Variants in ENTREP2 observed in about 807,000 individuals in gnomAD.
ENTREP2 encodes endosomal transmembrane epsin interactor 2.
At chr15:29,254,258 T>A in the ENTREP2 span, among the ~76,000 whole-genome samples, 1 of 151,856 alleles carries the variant, frequency 6.6e-6, no homozygotes, top group Non-Finnish European at 1.5e-5. Flanking sequence ...TTATGCTATT[T>A]CAAAACTCTG....
the ENTREP2 span, among the ~76,000 whole-genome samples, chr15:29,531,029 C>T: frequency 1.3e-5 from 2 of 152,214 alleles, no homozygotes; most frequent in Non-Finnish European, 2.9e-5. Context: ...AGGGAGGCAC[C>T]TGCCTGCATT....
At chr15:29,138,023 A>G in the ENTREP2 span, among the ~76,000 whole-genome samples, 1 of 151,996 alleles carries the variant, frequency 6.6e-6, no homozygotes, top group Non-Finnish European at 1.5e-5. Context: ...AGGCTCTGAG[A>G]AGGGCTGTGC....
At chr15:29,572,898 A>T in the ENTREP2 span, among the ~76,000 whole-genome samples, 1 of 151,702 alleles carries the variant, frequency 6.6e-6, no homozygotes, top group Non-Finnish European at 1.5e-5. Flanking sequence ...TGACCACAAT[A>T]CCAAAAATGG....
the ENTREP2 span, among the ~76,000 whole-genome samples, chr15:29,326,814 A>C: frequency 6.6e-6 from 1 of 152,212 alleles, no homozygotes; most frequent in Non-Finnish European, 1.5e-5. Context: ...TTAAAGATTT[A>C]CAATAAAAAT....
At chr15:29,518,514 T>TGG in the ENTREP2 span, among the ~76,000 whole-genome samples, 1 of 152,126 alleles carries the variant, frequency 6.6e-6, no homozygotes, top group African/African-American at 2.4e-5. Context: ...GCCATGGACA[T>TGG]GAGGAGGGAG....
chr15:29,282,490 A>C, the ENTREP2 span, among the ~76,000 whole-genome samples: 5 of 152,316 alleles, frequency 3.3e-5, no homozygotes, highest in East Asian at 7.7e-4. Flanking sequence ...GTCCTCAGTG[A>C]GTGGTCCATT....
At chr15:29,569,349 A>G in the ENTREP2 span, among the ~76,000 whole-genome samples, 3 of 152,374 alleles carry the variant, frequency 2.0e-5, no homozygotes, top group East Asian at 5.8e-4. Context: ...TTATGGTAAA[A>G]GCCATGCAAT....
the ENTREP2 span, among the ~76,000 whole-genome samples, chr15:29,355,686 T>C: frequency 7.2e-5 from 11 of 152,198 alleles, no homozygotes; most frequent in African/African-American, 2.7e-4. Flanking sequence ...TCAAGAATTC[T>C]GAATCTAACC....
At chr15:29,378,381 T>G in the ENTREP2 span, among the ~76,000 whole-genome samples, 1 of 152,204 alleles carries the variant, frequency 6.6e-6, no homozygotes, top group Non-Finnish European at 1.5e-5. Context: ...CGGTGATGGT[T>G]CCTGATGGTT....
chr15:29,211,349 C>A, the ENTREP2 span, among the ~76,000 whole-genome samples: 3 of 152,210 alleles, frequency 2.0e-5, no homozygotes, highest in Non-Finnish European at 4.4e-5. Flanking sequence ...GCCCTGCAGC[C>A]CTGAGGCTGC....
chr15:29,195,639 C>T, the ENTREP2 span, among the ~76,000 whole-genome samples: 1 of 152,298 alleles, frequency 6.6e-6, no homozygotes, highest in African/African-American at 2.4e-5. Context: ...ATTCTCCTGC[C>T]TCAGCCTCCC....
the ENTREP2 span, among the ~76,000 whole-genome samples, chr15:29,652,739 G>A: frequency 6.6e-6 from 1 of 152,216 alleles, no homozygotes; most frequent in Non-Finnish European, 1.5e-5. Context: ...AACTGCTCCT[G>A]CTACTTCAGG....
the ENTREP2 span, among the ~76,000 whole-genome samples, chr15:29,413,488 G>C: frequency 6.6e-6 from 1 of 152,080 alleles, no homozygotes; most frequent in Non-Finnish European, 1.5e-5. Context: ...TCTCTAACAA[G>C]GCTTTTTGAC....
the ENTREP2 span, among the ~76,000 whole-genome samples, chr15:29,444,253 AAAGAG>A: frequency 6.6e-6 from 1 of 151,792 alleles, no homozygotes; most frequent in Non-Finnish European, 1.5e-5. Context: ...AAAGAAAGAG[AAAGAG>A]AAAAGAAGGG....
At chr15:29,448,014 G>A in the ENTREP2 span, among the ~76,000 whole-genome samples, 14 of 152,152 alleles carry the variant, frequency 9.2e-5, no homozygotes, top group East Asian at 5.8e-4. Flanking sequence ...TGCAGTGAGC[G>A]GGATTGAGTG....
At chr15:29,523,285 G>A in the ENTREP2 span, among the ~76,000 whole-genome samples, 1 of 152,186 alleles carries the variant, frequency 6.6e-6, no homozygotes, top group Non-Finnish European at 1.5e-5. Flanking sequence ...ACAGAAATCT[G>A]AGATTCCTGT....
chr15:29,195,135 C>T, the ENTREP2 span: 10 of 985,248 alleles, frequency 1.0e-5, no homozygotes, highest in Admixed American at 1.2e-4. Flanking sequence ...GGGATGGGCC[C>T]TGGAGTGCTG....
At chr15:29,281,901 T>C in the ENTREP2 span, among the ~76,000 whole-genome samples, 3 of 152,282 alleles carry the variant, frequency 2.0e-5, no homozygotes, top group Middle Eastern at 3.4e-3. Flanking sequence ...CAAGTTCAGG[T>C]AGACTACAGC....
chr15:29,377,257 G>A, the ENTREP2 span, among the ~76,000 whole-genome samples: 11 of 152,208 alleles, frequency 7.2e-5, no homozygotes, highest in Admixed American at 6.5e-4. Flanking sequence ...TCCTTTCCTT[G>A]CATAAGGTCT....
Sources: allele counts gnomAD v4.1 joint callset (sites outside exome capture counted in the v4.1 genomes callset), GRCh38; gene constraint gnomAD v4.1.1; transcripts MANE v1.5; gene names NCBI Gene and HGNC (gene_info 2026-07-23, HGNC 2026-07-21).